DENND1A: variants seen among roughly 807,000 people sequenced by gnomAD.
The protein encoded by DENND1A is DENN domain-containing protein 1A.
DENND1A carries 51 observed loss-of-function variants against 113.7 expected under a neutral mutation model. The ratio of observed to expected loss-of-function variants is 0.45; its 90% CI spans 0.36 to 0.57. The LOEUF is 0.57. Ranked by LOEUF, DENND1A falls within the 20% of genes least tolerant of loss-of-function variation. DENND1A has a pLI of 0.00. For synonymous variants in DENND1A, 565 were observed against 570.8 expected, an observed-to-expected ratio of 0.99 and a Z score of 0.14; for missense variants, 1,258 against 1,395.9, an observed-to-expected ratio of 0.90 and a Z score of 1.57.
At position 123,546,286 on chromosome 9, in the gene DENND1A, C is replaced by T. The variant is rs77529371; in HGVS notation, c.993+11284G>A. On this transcript the variant is annotated intron_variant, in intron 13 of 23. Coordinates refer to ENST00000394215, the MANE Select transcript of DENND1A (RefSeq NM_001352964.2). ...AGTATTGGCCGGGCGAGGTGGCTCA[C>T]GCCTGTAATCCCAGCACTTTGGGAG... is the stretch of plus-strand genomic sequence containing the variant. Among the ~76,000 whole-genome samples, 1,200 of 152,218 alleles carry T rather than the reference C, an allele frequency of 7.9e-3. 39 individuals are homozygous for T. The highest frequency in any genetic ancestry group is 0.052 in the Admixed American group (799 of 15,296).
At chr9:123,890,920 G>C (rs1438150888) in intron 1 of DENND1A, among the ~76,000 whole-genome samples, 1 of 151,884 alleles carries the variant, frequency 6.6e-6, no homozygotes. Context: ...AAGGAACTTG[G>C]GCAACTGCAT....
At chr9:123,411,939 C>T in intron 19 of DENND1A, 110 bp from the exon 20 acceptor site, 1 of 647,468 alleles carries the variant, frequency 1.5e-6, no homozygotes, top group African/African-American at 2.0e-5. Flanking sequence ...AGCCAGAGGG[C>T]CAACCTCGAC....
At chr9:123,458,562 A>G (rs944261563) in intron 13 of DENND1A, among the ~76,000 whole-genome samples, 2 of 152,164 alleles carry the variant, frequency 1.3e-5, no homozygotes, top group African/African-American at 4.8e-5. Context: ...CCGTACCCCA[A>G]GGGCTATTTA....
chr9:123,461,603 C>T (rs1174126723), intron 13 of DENND1A, among the ~76,000 whole-genome samples: 2 of 152,150 alleles, frequency 1.3e-5, no homozygotes, highest in Non-Finnish European at 2.9e-5. Context: ...TGCTGAGGGC[C>T]CGATACATTC....
At chr9:123,414,056 T>G in intron 19 of DENND1A, 1 of 993,460 alleles carries the variant, frequency 1.0e-6, no homozygotes, top group Non-Finnish European at 1.2e-6. Flanking sequence ...TTGGGCTATT[T>G]CCATTCCTGC....
chr9:123,490,458 G>T (rs1368573023), intron 13 of DENND1A, among the ~76,000 whole-genome samples: 1 of 152,022 alleles, frequency 6.6e-6, no homozygotes, highest in Non-Finnish European at 1.5e-5. Flanking sequence ...GCGTGGTGGG[G>T]GGCACCTGTA....
chr9:123,737,253 G>C (rs922955426), intron 5 of DENND1A, among the ~76,000 whole-genome samples: 5 of 152,162 alleles, frequency 3.3e-5, no homozygotes, highest in African/African-American at 1.2e-4. Context: ...GGAGTGCAGT[G>C]GTGCAATCAT....
At chr9:123,612,087 C>A (rs542874166) in intron 10 of DENND1A, among the ~76,000 whole-genome samples, 2 of 152,284 alleles carry the variant, frequency 1.3e-5, no homozygotes, top group Non-Finnish European at 2.9e-5. Flanking sequence ...CATAGCAGCT[C>A]CATGTTTTGT....
chr9:123,413,706 G>C, intron 19 of DENND1A: 3 of 985,526 alleles, frequency 3.0e-6, no homozygotes, highest in Non-Finnish European at 3.6e-6. Context: ...GCTGACCCAT[G>C]CTTGGTGACC....
intron 11 of DENND1A, among the ~76,000 whole-genome samples, chr9:123,596,603 C>T (rs1401229912): frequency 2.0e-5 from 3 of 152,176 alleles, no homozygotes; most frequent in African/African-American, 7.2e-5. Flanking sequence ...TTTCTCCTCG[C>T]TGTGCAGCCT....
intron 13 of DENND1A, among the ~76,000 whole-genome samples, chr9:123,479,848 C>T (rs545853482): frequency 9.2e-5 from 14 of 152,320 alleles, no homozygotes; most frequent in African/African-American, 3.1e-4. Context: ...CCTTTAGACG[C>T]TAACTGCAGG....
intron 10 of DENND1A, among the ~76,000 whole-genome samples, chr9:123,624,799 G>C (rs1361935932): frequency 6.6e-6 from 1 of 152,126 alleles, no homozygotes; most frequent in African/African-American, 2.4e-5. Flanking sequence ...TAGAGTTAGA[G>C]AAGGTTGAAA....
At chr9:123,610,514 C>T (rs1365427618) in intron 10 of DENND1A, among the ~76,000 whole-genome samples, 1 of 152,200 alleles carries the variant, frequency 6.6e-6, no homozygotes, top group African/African-American at 2.4e-5. Flanking sequence ...AACCTGAAAT[C>T]CCCAAGCTCA....
intron 10 of DENND1A, among the ~76,000 whole-genome samples, chr9:123,626,992 GAGA>G (rs1320880064): frequency 3.3e-5 from 5 of 152,350 alleles, no homozygotes; most frequent in African/African-American, 1.2e-4. Flanking sequence ...AGCCTTGGGT[GAGA>G]AGGAGGGCAG....
intron 2 of DENND1A, among the ~76,000 whole-genome samples, chr9:123,810,679 T>C (rs1053934126): frequency 1.3e-5 from 2 of 150,742 alleles, no homozygotes; most frequent in Non-Finnish European, 2.9e-5. Context: ...CTGGGCCACA[T>C]ACAGCCCCAG....
chr9:123,629,372 C>T (rs1403553176), intron 10 of DENND1A, among the ~76,000 whole-genome samples: 1 of 152,196 alleles, frequency 6.6e-6, no homozygotes, highest in African/African-American at 2.4e-5. Context: ...TCTTTAACTG[C>T]ATTACACTAG....
chr9:123,509,752 T>G (rs1355911206), intron 13 of DENND1A, among the ~76,000 whole-genome samples: 1 of 152,208 alleles, frequency 6.6e-6, no homozygotes. Context: ...ATGCTTACAC[T>G]TGGAGGACCC....
chr9:123,482,373 C>T (rs1200755093), intron 13 of DENND1A, among the ~76,000 whole-genome samples: 2 of 152,220 alleles, frequency 1.3e-5, no homozygotes, highest in African/African-American at 2.4e-5. Flanking sequence ...GTTGGGATTA[C>T]AGGCGTGAAC....
At chr9:123,830,873 GAAAAAAAAAAAA>G (rs71390447) in intron 2 of DENND1A, among the ~76,000 whole-genome samples, 5 of 39,310 alleles carry the variant, frequency 1.3e-4, no homozygotes, top group Non-Finnish European at 2.3e-4. Context: ...TCTCAAAAAT[GAAAAAAAAAAAA>G]AAAAAAAAAA....
Sources: gnomAD v4.1 joint callset for allele counts (sites outside exome capture counted in the v4.1 genomes callset) on GRCh38, gnomAD v4.1.1 for gene constraint, MANE v1.5 for transcripts, NCBI Gene and HGNC (gene_info 2026-07-23, HGNC 2026-07-21) for gene names.